The following SLC25A13 variants were observed in gnomAD, a reference collection of about 807,000 sequenced individuals.
SLC25A13 encodes solute carrier family 25 member 13.
Under a neutral mutation model 85.5 loss-of-function variants are expected in SLC25A13, and 70 were observed. The observed-to-expected ratio is 0.82, with a 90% CI of 0.68 to 1.00. SLC25A13 has a LOEUF of 1.00. SLC25A13 is among the 50% of genes least tolerant of loss of function. The pLI is 0.00. For missense variants in SLC25A13, 765 were observed against 819.8 expected (o/e 0.93, Z 0.82); for synonymous variants, 259 against 288.7 (o/e 0.90, Z 1.04).
At chr7:96,274,941 A>G (rs866971071) in intron 3 of SLC25A13, among the ~76,000 whole-genome samples, 4 of 152,112 alleles carry the variant, frequency 2.6e-5, no homozygotes, top group South Asian at 2.1e-4. Flanking sequence ...GTCAGGTAGC[A>G]TGATGCCTCC....
At chr7:96,317,127 T>C (rs1035384545) in intron 1 of SLC25A13, among the ~76,000 whole-genome samples, 3 of 152,140 alleles carry the variant, frequency 2.0e-5, no homozygotes, top group African/African-American at 7.2e-5. Flanking sequence ...TGCACCACTA[T>C]GCCCGGCTAA....
chr7:96,148,532 CTG>C (rs1413709788), intron 13 of SLC25A13, among the ~76,000 whole-genome samples: 4 of 152,174 alleles, frequency 2.6e-5, no homozygotes, highest in African/African-American at 9.6e-5. Context: ...AGGATTTTCT[CTG>C]TGTTTCTGAA....
At chr7:96,262,833 T>C (rs147635175) in intron 3 of SLC25A13, among the ~76,000 whole-genome samples, 2 of 152,308 alleles carry the variant, frequency 1.3e-5, no homozygotes, top group East Asian at 1.9e-4. Context: ...ATTAGCTATA[T>C]GACTTTGAGC....
At chr7:96,298,124 A>T (rs1340640809) in intron 1 of SLC25A13, among the ~76,000 whole-genome samples, 1 of 152,162 alleles carries the variant, frequency 6.6e-6, no homozygotes. Context: ...GGTTCCTGGA[A>T]CCACCCAACA....
intron 5 of SLC25A13, among the ~76,000 whole-genome samples, chr7:96,201,987 G>T (rs1469798242): frequency 6.6e-6 from 1 of 152,130 alleles, no homozygotes; most frequent in Admixed American, 6.6e-5. Flanking sequence ...GGGAGCAGCA[G>T]ACTTCTAGAG....
At chr7:96,122,850 T>C (rs1234713424) in intron 15 of SLC25A13, among the ~76,000 whole-genome samples, 1 of 152,234 alleles carries the variant, frequency 6.6e-6, no homozygotes, top group African/African-American at 2.4e-5. Flanking sequence ...AGACACTGTC[T>C]CTTATGGTTT....
At chr7:96,270,891 T>C (rs1464752438) in intron 3 of SLC25A13, among the ~76,000 whole-genome samples, 1 of 152,072 alleles carries the variant, frequency 6.6e-6, no homozygotes, top group Non-Finnish European at 1.5e-5. Context: ...ACTCCAGGCA[T>C]TCCTCGGTTT....
intron 3 of SLC25A13, among the ~76,000 whole-genome samples, chr7:96,254,615 G>A (rs1353469032): frequency 6.6e-6 from 1 of 152,026 alleles, no homozygotes; most frequent in Non-Finnish European, 1.5e-5. Flanking sequence ...TGTTTCATGA[G>A]CAAACCCTAG....
intron 1 of SLC25A13, among the ~76,000 whole-genome samples, chr7:96,313,843 AT>A (rs1800036173): frequency 6.6e-6 from 1 of 152,204 alleles, no homozygotes; most frequent in African/African-American, 2.4e-5. Flanking sequence ...AAAGTGAAAG[AT>A]TTCTAGATTT....
At chr7:96,168,633 C>T (rs1288340941) in intron 13 of SLC25A13, among the ~76,000 whole-genome samples, 1 of 152,200 alleles carries the variant, frequency 6.6e-6, no homozygotes, top group Admixed American at 6.5e-5. Flanking sequence ...GGGCACCATG[C>T]CATGATGATT....
intron 2 of SLC25A13, chr7:96,283,818 TTAAAAAAAAAAA>T (rs1055497843): frequency 5.7e-5 from 5 of 87,010 alleles, no homozygotes; most frequent in Non-Finnish European, 9.0e-5. Flanking sequence ...AAATAGGTGT[TTAAAAAAAAAAA>T]AAAAAAAAAA....
intron 4 of SLC25A13, among the ~76,000 whole-genome samples, chr7:96,227,468 T>C (rs756108736): frequency 6.6e-6 from 1 of 152,194 alleles, no homozygotes; most frequent in Non-Finnish European, 1.5e-5. Context: ...TGATAGTGAA[T>C]AGGGCCAAGA....
At chr7:96,214,618 T>C (rs1253306389) in intron 4 of SLC25A13, among the ~76,000 whole-genome samples, 2 of 151,822 alleles carry the variant, frequency 1.3e-5, no homozygotes, top group East Asian at 1.9e-4. Context: ...TCCCAGCTAC[T>C]CAGGAGGCTG....
intron 2 of SLC25A13, among the ~76,000 whole-genome samples, chr7:96,287,285 T>G (rs1331317271): frequency 1.3e-5 from 2 of 152,150 alleles, no homozygotes; most frequent in Non-Finnish European, 2.9e-5. Context: ...AGATCCACAA[T>G]CCTTTCCACA....
Position 96,121,311 on chromosome 7 carries a change from G to T in SLC25A13, c.1908C>A (p.His636Gln). 1.2e-6 allele frequency: 2 copies of T among 1,614,120 alleles called. No homozygotes were observed. ...RINLPAPNPDHVGGYKLAVAT... is the reference protein window; with the variant it reads ...RINLPAPNPDQVGGYKLAVAT... ...CAACTGCCAGTTTGTAGCCCCCAAC[G>T]TGATCAGGATTCGGGGCAGGCAGGT... The change falls in exon 18 of 18, where the codon CAC becomes CAA. Residue 636 changes from histidine (H) to glutamine (Q), a missense_variant. By Grantham distance (24) the His-to-Gln change is conservative. Coordinates refer to ENST00000265631, the MANE Select transcript of SLC25A13 (RefSeq NM_014251.3).
intron 1 of SLC25A13, 68 bp downstream of exon 1, chr7:96,321,874 C>T: frequency 6.8e-7 from 1 of 1,481,116 alleles, no homozygotes; most frequent in Non-Finnish European, 9.0e-7. Flanking sequence ...CACGTGAGCG[C>T]CCGAGCCTCT....
chr7:96,243,837 G>C (rs1323577059), intron 3 of SLC25A13, among the ~76,000 whole-genome samples: 1 of 152,140 alleles, frequency 6.6e-6, no homozygotes, highest in African/African-American at 2.4e-5. Flanking sequence ...GCAGGGGAAG[G>C]GAAAGGGGAT....
intron 3 of SLC25A13, among the ~76,000 whole-genome samples, chr7:96,258,394 A>G (rs1797721507): frequency 6.6e-6 from 1 of 152,224 alleles, no homozygotes; most frequent in African/African-American, 2.4e-5. Flanking sequence ...ATTCTTGTGC[A>G]AAAATCACAA....
intron 3 of SLC25A13, among the ~76,000 whole-genome samples, chr7:96,250,769 T>C (rs1797393132): frequency 7.2e-6 from 1 of 138,228 alleles, no homozygotes. Flanking sequence ...CCATAAAATA[T>C]TACAGTGGTC....
Sources: allele counts gnomAD v4.1 joint callset (sites outside exome capture counted in the v4.1 genomes callset), GRCh38; gene constraint gnomAD v4.1.1; transcripts MANE v1.5; gene names NCBI Gene and HGNC (gene_info 2026-07-23, HGNC 2026-07-21).